Variants in CHST3 observed in about 807,000 individuals in gnomAD.
CHST3 encodes C6ST-1.
Under a neutral mutation model 35.4 loss-of-function variants are expected in CHST3, and 20 were observed. That is an observed-to-expected ratio of 0.57 (90% CI 0.40 to 0.82). CHST3 has a LOEUF of 0.82. Among genes scored for constraint, CHST3 ranks in the 40% least tolerant of loss-of-function variants. The probability of loss-of-function intolerance (pLI) is 0.00; values close to 1 mark genes in which losing one functional copy is unlikely to be tolerated. For synonymous variants in CHST3, 334 were observed against 295.9 expected (o/e 1.13, Z -1.32); for missense variants, 693 against 670.1 (o/e 1.03, Z -0.38).
chr10:71,979,384 G>A (rs1354446530), intron 1 of CHST3, among the ~76,000 whole-genome samples: 1 of 152,038 alleles, frequency 6.6e-6, no homozygotes, highest in South Asian at 2.1e-4. Context: ...CGGGAGGGGG[G>A]TTAGATGGCG....
chr10:72,011,905 C>T lies in CHST3; in HGVS notation c.*3434C>T, dbSNP rs1322390418. The T allele has an allele frequency of 1.3e-5, 2 of 152,030 alleles. No homozygotes were observed. Among genetic ancestry groups the T allele is most frequent in the Non-Finnish European group, 2.9e-5 (2 of 68,002 alleles). The allele number at this position is 152,030 out of a possible 1,614,324, so 9.4% of individuals were successfully genotyped here. On this transcript the variant is annotated 3_prime_UTR_variant, in exon 3 of 3. Coordinates refer to ENST00000373115, the MANE Select transcript of CHST3 (RefSeq NM_004273.5). ...TAGTGGAGGGCAGGATTCTCAGGTCCCCATAGAGAGGGAAAGAGAAGACCA... is the reference window on the plus strand; with the variant it reads ...TAGTGGAGGGCAGGATTCTCAGGTCTCCATAGAGAGGGAAAGAGAAGACCA...
chr10:71,972,905 C>T (rs187175451), intron 1 of CHST3, among the ~76,000 whole-genome samples: 24 of 152,310 alleles, frequency 1.6e-4, no homozygotes, highest in African/African-American at 5.5e-4. Context: ...CTGCCCTTTG[C>T]CTGTGGTATT....
intron 1 of CHST3, among the ~76,000 whole-genome samples, chr10:71,987,156 C>A (rs116394717): frequency 6.6e-6 from 1 of 152,082 alleles, no homozygotes; most frequent in Non-Finnish European, 1.5e-5. Flanking sequence ...CAGACACATG[C>A]GGACCAAGCC....
chr10:71,967,218 T>C (rs1839640346), intron 1 of CHST3, among the ~76,000 whole-genome samples: 4 of 152,144 alleles, frequency 2.6e-5, no homozygotes, highest in Non-Finnish European at 5.9e-5. Context: ...TCTCAAACTC[T>C]GGAGCTCTAG....
At chr10:71,973,789 G>A (rs2131739768) in intron 1 of CHST3, among the ~76,000 whole-genome samples, 1 of 152,352 alleles carries the variant, frequency 6.6e-6, no homozygotes, top group South Asian at 2.1e-4. Flanking sequence ...CCTAGAGGAG[G>A]CAGGCATTCC....
In CHST3 at chr10:72,008,161, G is replaced by T; in HGVS notation, c.1130G>T (p.Gly377Val). Residue 377 changes from glycine (G) to valine (V), a missense_variant, in exon 3 of 3, where the codon GGG becomes GTG. Gly to Val is a moderately radical substitution (Grantham distance 109). Transcript: ENST00000373115. ...GTGCGCTACGAGGACGTGGCACGCG[G>T]GCCGCTGCAGAAGGCCCGCGAGATG... ...MLVRYEDVAR[G>V]PLQKAREMYR... is the part of the protein sequence containing the mutation. 2.6e-6 allele frequency: 4 copies of T among 1,548,650 alleles called. No homozygotes were observed. Among genetic ancestry groups the T allele is most frequent in the Non-Finnish European group, 3.5e-6 (4 of 1,146,506 alleles).
At chr10:71,987,541 C>T (rs368966152) in intron 1 of CHST3, among the ~76,000 whole-genome samples, 18 of 152,036 alleles carry the variant, frequency 1.2e-4, no homozygotes, top group Middle Eastern at 3.4e-3. Flanking sequence ...TGGTGAAACC[C>T]TGTCTGTACT....
chr10:71,978,377 AAAAC>A (rs1433777333), intron 1 of CHST3, among the ~76,000 whole-genome samples: 3 of 151,814 alleles, frequency 2.0e-5, no homozygotes, highest in Non-Finnish European at 2.9e-5. Flanking sequence ...AAAAAAAAAA[AAAAC>A]AAAGTGGCTC....
Position 71,964,704 on chromosome 10 carries a change from G to A in CHST3, c.-108+10G>A, listed in dbSNP as rs1839611824. The A allele has an allele frequency of 6.6e-6, 1 of 152,042 alleles. No individual in the cohort carries two copies. The highest frequency in any genetic ancestry group is 3.2e-3 in the Middle Eastern group (1 of 314). The allele number at this position is 152,042 out of a possible 1,614,324, so 9.4% of individuals were successfully genotyped here. A position where few individuals can be genotyped will look rare whatever the true frequency, so the allele number is the denominator to read the frequency against. ...AGTCTCGGCGGCCGGGGTAAGTGGG[G>A]CGCCGGCGTCCTGGAACCGCCGCCC... On this transcript the variant is annotated intron_variant, in intron 1 of 2. Transcript: ENST00000373115.
Position 72,007,583 on chromosome 10 carries a change from G to C in CHST3, c.552G>C (p.Ser184=). 2 of 1,608,968 alleles carry C rather than the reference G, an allele frequency of 1.2e-6. No individual in the cohort carries two copies. Among genetic ancestry groups the C allele is most frequent in the African/African-American group, 1.3e-5 (1 of 75,056 alleles). ...CGGGGGGCGCCAACGCCGCGGGCTC[G>C]GCCCTGGTGTACCGCGACGTGCTCA... ...FEPGGANAAG[S]ALVYRDVLKQ... Residue 184 remains serine, a synonymous_variant, in exon 3 of 3, where the codon TCG becomes TCC. Transcript: ENST00000373115.
chr10:72,004,897 A>C (rs1162937667), intron 1 of CHST3, among the ~76,000 whole-genome samples: 2 of 152,172 alleles, frequency 1.3e-5, no homozygotes, highest in Non-Finnish European at 2.9e-5. Flanking sequence ...TGGGAGGCCG[A>C]GGCAGGTGGA....
chr10:71,983,762 T>C (rs1362820034), intron 1 of CHST3, among the ~76,000 whole-genome samples: 1 of 151,980 alleles, frequency 6.6e-6, no homozygotes, highest in Non-Finnish European at 1.5e-5. Context: ...AGACCATGCA[T>C]ATTTTTTAGA....
At chr10:71,973,868 G>C (rs992214755) in intron 1 of CHST3, among the ~76,000 whole-genome samples, 9 of 152,228 alleles carry the variant, frequency 5.9e-5, no homozygotes, top group African/African-American at 2.2e-4. Flanking sequence ...GGACTGGTGA[G>C]GAGTCTGGCT....
At position 72,007,363 on chromosome 10, in the gene CHST3, G is replaced by T; in HGVS notation, c.332G>T (p.Gly111Val). 1 of 1,606,586 alleles carries T rather than the reference G, an allele frequency of 6.2e-7. No individual in the cohort carries two copies. The highest frequency in any genetic ancestry group is 2.2e-5 in the East Asian group (1 of 44,664). ...GTGGAGCCAGCCATGGAGGCCGCAGGGGAGGAAGAGGAAGAGCAGAGAAAG... is the reference window on the plus strand; with the variant it reads ...GTGGAGCCAGCCATGGAGGCCGCAGTGGAGGAAGAGGAAGAGCAGAGAAAG... The part of the protein sequence containing the change: ...LGVEPAMEAA[G>V]EEEEEQRKEE... Residue 111 changes from glycine to valine, a missense_variant, in exon 3 of 3, where the codon GGG becomes GTG. Physicochemically the swap from Gly to Val is moderately radical, Grantham distance 109. Coordinates refer to ENST00000373115, the MANE Select transcript of CHST3 (RefSeq NM_004273.5).
At chr10:71,996,430 C>T (rs966002249) in intron 1 of CHST3, among the ~76,000 whole-genome samples, 6 of 146,386 alleles carry the variant, frequency 4.1e-5, no homozygotes, top group Non-Finnish European at 9.0e-5. Flanking sequence ...TACCAACCCC[C>T]CCCCAACGTA....
chr10:72,008,081 GT>G lies in CHST3; in HGVS notation c.1051del (p.Ser351ProfsTer43), dbSNP rs1840064722. 6.5e-7 allele frequency: 1 copy of G among 1,545,510 alleles called. No homozygotes were observed. Among genetic ancestry groups the G allele is most frequent in the Admixed American group, 2.0e-5 (1 of 50,818 alleles). On this transcript the variant is annotated frameshift_variant, in exon 3 of 3. Coordinates refer to ENST00000373115, the MANE Select transcript of CHST3 (RefSeq NM_004273.5). LOFTEE classifies it high-confidence loss of function. ...LRGNCESIRLSAELGLRQPAW... is the reference protein window; with the variant it reads ...LRGNCESIRLXAELGLRQPAW... ...GGGGCAACTGCGAGAGCATCCGCCT[GT>G]CCGCGGAGCTGGGGCTGCGGCAGCC...
At position 72,008,419 on chromosome 10, in the gene CHST3, C is replaced by G; in HGVS notation, c.1388C>G (p.Thr463Ser). The G allele has an allele frequency of 6.4e-7, 1 of 1,573,662 alleles. No homozygotes were observed. The highest frequency in any genetic ancestry group is 8.6e-7 in the Non-Finnish European group (1 of 1,160,384). The change falls in exon 3 of 3, where the codon ACC becomes AGC. Residue 463 changes from threonine (T) to serine (S), a missense_variant. Physicochemically the swap from Thr to Ser is moderately conservative, Grantham distance 58 (BLOSUM62 1). Coordinates refer to ENST00000373115, the MANE Select transcript of CHST3 (RefSeq NM_004273.5). ...YKLARDAAAL[T>S]NRSVSLLEER... is the part of the protein sequence containing the mutation. ...CTGGCGCGGGACGCCGCCGCCCTCACCAACCGCTCAGTCAGCCTGCTGGAG... is the reference window on the plus strand; with the variant it reads ...CTGGCGCGGGACGCCGCCGCCCTCAGCAACCGCTCAGTCAGCCTGCTGGAG...
intron 1 of CHST3, among the ~76,000 whole-genome samples, chr10:71,988,627 T>G (rs1839871082): frequency 6.6e-6 from 1 of 152,198 alleles, no homozygotes; most frequent in Non-Finnish European, 1.5e-5. Context: ...CCATGCTTCT[T>G]GTACATCCTG....
intron 1 of CHST3, among the ~76,000 whole-genome samples, chr10:71,970,550 C>T (rs1034310035): frequency 2.0e-5 from 3 of 152,142 alleles, no homozygotes; most frequent in Admixed American, 1.3e-4. Context: ...ACACACCCTC[C>T]GCTGGCCAGT....
Sources: allele counts gnomAD v4.1 joint callset (sites outside exome capture counted in the v4.1 genomes callset), GRCh38; gene constraint gnomAD v4.1.1; transcripts MANE v1.5; gene names NCBI Gene and HGNC (gene_info 2026-07-23, HGNC 2026-07-21).